Variants in ADRB1 observed in about 807,000 individuals in gnomAD.
The protein encoded by ADRB1 is beta-1 adrenergic receptor.
For missense variants in ADRB1, 635 were observed against 709.1 expected, an observed-to-expected ratio of 0.90 and a Z score of 1.19; for synonymous variants, 365 against 347.2, an observed-to-expected ratio of 1.05 and a Z score of -0.57.
rs365722 is a variant in ADRB1 at position 114,045,440 on chromosome 10, C to A, written c.1308C>A (p.Val436=). Residue 436 remains valine, a synonymous_variant, in exon 1 of 1, where the codon GTC becomes GTA. Coordinates refer to ENST00000369295, the MANE Select transcript of ADRB1 (RefSeq NM_000684.3). ...AASDDDDDDV[V]GATPPARLLE... is the part of the protein sequence containing the mutation. Reference sequence around the variant, plus strand: ...CGGACGACGACGACGACGATGTCGTCGGGGCCACGCCGCCCGCGCGCCTGC... The same window carrying A: ...CGGACGACGACGACGACGATGTCGTAGGGGCCACGCCGCCCGCGCGCCTGC... 1.6e-6 allele frequency: 2 copies of A among 1,244,622 alleles called. No homozygotes were observed. Among genetic ancestry groups the A allele is most frequent in the Non-Finnish European group, 2.0e-6 (2 of 992,884 alleles). 77.1% of individuals were successfully genotyped at this position (1,244,622 alleles called of 1,614,324 possible).
rs1801252 is a variant in ADRB1 at position 114,044,277 on chromosome 10, A to G, written c.145A>G (p.Ser49Gly). The part of the protein sequence containing the change: ...PASLLPPASE[S>G]PEPLSQQWTA... ...CTCGTTGCTGCCTCCCGCCAGCGAA[A>G]GCCCCGAGCCGCTGTCTCAGCAGTG... is the stretch of plus-strand genomic sequence containing the variant. The change falls in exon 1 of 1, where the codon AGC becomes GGC. Residue 49 changes from serine to glycine, a missense_variant. Ser to Gly is a moderately conservative substitution (Grantham distance 56, BLOSUM62 0). Coordinates refer to ENST00000369295, the MANE Select transcript of ADRB1 (RefSeq NM_000684.3). The surrounding 1 kb of genome is among the most constrained non-coding windows in gnomAD (Gnocchi z 7.8). 212,366 of 1,542,848 alleles carry G rather than the reference A, an allele frequency of 0.14. 15,863 individuals are homozygous for G. Among genetic ancestry groups the G allele is most frequent in the Admixed American group, 0.26 (12,866 of 50,056 alleles).
rs1267872707 is a variant in ADRB1 at position 114,045,255 on chromosome 10, A to G, written c.1123A>G (p.Ile375Val). The G allele has an allele frequency of 6.3e-7, 1 of 1,597,294 alleles. No individual in the cohort carries two copies. The highest frequency in any genetic ancestry group is 1.1e-5 in the South Asian group (1 of 89,558). Reference sequence around the variant, plus strand: ...CTACGCCAACTCGGCCTTCAACCCCATCATCTACTGCCGCAGCCCCGACTT... The same window carrying G: ...CTACGCCAACTCGGCCTTCAACCCCGTCATCTACTGCCGCAGCCCCGACTT... ...LGYANSAFNP[I>V]IYCRSPDFRK... The change falls in exon 1 of 1, where the codon ATC becomes GTC. Residue 375 changes from isoleucine to valine, a missense_variant. Ile to Val is a conservative substitution (Grantham distance 29). Transcript: ENST00000369295.
At position 114,044,129 on chromosome 10, in the gene ADRB1, C is replaced by A; in HGVS notation, c.-4C>A. The A allele has an allele frequency of 2.4e-6, 3 of 1,276,450 alleles. No homozygotes were observed. The highest frequency in any genetic ancestry group is 2.8e-5 in the South Asian group (1 of 36,288). The allele number at this position is 1,276,450 out of a possible 1,614,324, so 79.1% of individuals were successfully genotyped here. A position where few individuals can be genotyped will look rare whatever the true frequency, so the allele number is the denominator to read the frequency against. On this transcript the variant is annotated 5_prime_UTR_variant, in exon 1 of 1. It introduces an in-frame stop codon into an upstream open reading frame of the 5' UTR. Transcript: ENST00000369295. The surrounding 1 kb of genome is among the most constrained non-coding windows in gnomAD (Gnocchi z 7.8). ...CCCCCCGCCCCCGGCCTCCGCAGCT[C>A]GGCATGGGCGCGGGGGTGCTCGTCC...
In ADRB1 at chr10:114,044,024, A is replaced by C; in HGVS notation, c.-109A>C. 2.3e-6 allele frequency: 2 copies of C among 886,904 alleles called. No individual in the cohort carries two copies. The highest frequency in any genetic ancestry group is 2.9e-6 in the Non-Finnish European group (2 of 691,246). The allele number at this position is 886,904 out of a possible 1,614,324, so 54.9% of individuals were successfully genotyped here. On this transcript the variant is annotated 5_prime_UTR_variant, in exon 1 of 1. An upstream open reading frame in the 5' UTR loses its in-frame stop. Transcript: ENST00000369295. This position sits in a 1 kb window ranked among gnomAD's most constrained non-coding sequence, Gnocchi z 7.8. Reference sequence around the variant, plus strand: ...CCGGCCCCGCGCCGCGGCTGCCCTGACCCGGCCGCGACCTCCCTCTGCGCA... The same window carrying C: ...CCGGCCCCGCGCCGCGGCTGCCCTGCCCCGGCCGCGACCTCCCTCTGCGCA...
chr10:114,045,521 G>A lies in ADRB1; in HGVS notation c.1389G>A (p.Leu463=). The A allele has an allele frequency of 7.6e-7, 1 of 1,307,878 alleles. No individual in the cohort carries two copies. Among genetic ancestry groups the A allele is most frequent in the East Asian group, 3.1e-5 (1 of 32,262 alleles). 81.0% of individuals were successfully genotyped at this position (1,307,878 alleles called of 1,614,324 possible). A position where few individuals can be genotyped will look rare whatever the true frequency, so the allele number is the denominator to read the frequency against. ...CGGCGGCGGACAGCGACTCGAGCCT[G>A]GACGAGCCGTGCCGCCCCGGCTTCG... ...GGAAADSDSS[L]DEPCRPGFAS... Residue 463 remains leucine (L), a synonymous_variant, in exon 1 of 1, where the codon CTG becomes CTA. Transcript: ENST00000369295.
At position 114,044,300 on chromosome 10, in the gene ADRB1, G is replaced by A. The variant is rs1847528552; in HGVS notation, c.168G>A (p.Gln56=). Residue 56 remains glutamine, a synonymous_variant, in exon 1 of 1, where the codon CAG becomes CAA. Coordinates refer to ENST00000369295, the MANE Select transcript of ADRB1 (RefSeq NM_000684.3). The surrounding 1 kb of genome is among the most constrained non-coding windows in gnomAD (Gnocchi z 7.8). ...AAAGCCCCGAGCCGCTGTCTCAGCAGTGGACAGCGGGCATGGGTCTGCTGA... is the reference window on the plus strand; with the variant it reads ...AAAGCCCCGAGCCGCTGTCTCAGCAATGGACAGCGGGCATGGGTCTGCTGA... ...ASESPEPLSQ[Q]WTAGMGLLMA... The A allele has an allele frequency of 3.1e-6, 5 of 1,594,232 alleles. No individual in the cohort carries two copies. Among genetic ancestry groups the A allele is most frequent in the Non-Finnish European group, 4.3e-6 (5 of 1,175,424 alleles).
rs34072930 is a variant in ADRB1, at chr10:114,044,222, G to A, written c.90G>A (p.Ala30=). The A allele has an allele frequency of 1.4e-6, 2 of 1,416,748 alleles. No homozygotes were observed. Among genetic ancestry groups the A allele is most frequent in the Non-Finnish European group, 1.8e-6 (2 of 1,098,324 alleles). The allele number at this position is 1,416,748 out of a possible 1,614,324, so 87.8% of individuals were successfully genotyped here. A position where few individuals can be genotyped will look rare whatever the true frequency, so the allele number is the denominator to read the frequency against. ...APLPDGAATA[A]RLLVPASPPA... is the part of the protein sequence containing the mutation. ...TCCCCGACGGCGCGGCCACCGCGGC[G>A]CGGCTGCTGGTGCCCGCGTCGCCGC... Residue 30 remains alanine, a synonymous_variant, in exon 1 of 1, where the codon GCG becomes GCA. Transcript: ENST00000369295. This position sits in a 1 kb window ranked among gnomAD's most constrained non-coding sequence, Gnocchi z 7.8.
chr10:114,044,384 C>T lies in ADRB1; in HGVS notation c.252C>T (p.Ala84=). 1 of 1,610,464 alleles carries T rather than the reference C, an allele frequency of 6.2e-7. No homozygotes were observed. The highest frequency in any genetic ancestry group is 8.5e-7 in the Non-Finnish European group (1 of 1,179,780). Residue 84 remains alanine, a synonymous_variant, in exon 1 of 1, where the codon GCC becomes GCT. Coordinates refer to ENST00000369295, the MANE Select transcript of ADRB1 (RefSeq NM_000684.3). This position sits in a 1 kb window ranked among gnomAD's most constrained non-coding sequence, Gnocchi z 7.8. ...ATGTGCTGGTGATCGTGGCCATCGC[C>T]AAGACGCCGCGGCTGCAGACGCTCA... ...AGNVLVIVAI[A]KTPRLQTLTN...
At position 114,045,553 on chromosome 10, in the gene ADRB1, A is replaced by G; in HGVS notation, c.1421A>G (p.Glu474Gly). 1 of 1,308,624 alleles carries G rather than the reference A, an allele frequency of 7.6e-7. No individual in the cohort carries two copies. Among genetic ancestry groups the G allele is most frequent in the Non-Finnish European group, 9.8e-7 (1 of 1,024,808 alleles). The allele number at this position is 1,308,624 out of a possible 1,614,324, so 81.1% of individuals were successfully genotyped here. A position where few individuals can be genotyped will look rare whatever the true frequency, so the allele number is the denominator to read the frequency against. The stretch of plus-strand genomic sequence containing the variant: ...CCGTGCCGCCCCGGCTTCGCCTCGG[A>G]ATCCAAGGTGTAGGGCCCGGCGCGG... ...DEPCRPGFAS[E>G]SKV is the part of the protein sequence containing the mutation. Residue 474 changes from glutamate (E) to glycine (G), a missense_variant, in exon 1 of 1, where the codon GAA (glutamate) becomes GGA (glycine). Transcript: ENST00000369295.
rs1403407390 is a variant in ADRB1 at position 114,044,868 on chromosome 10, C to A, written c.736C>A (p.Arg246=). Residue 246 remains arginine, a synonymous_variant, in exon 1 of 1, where the codon CGG becomes AGG. Coordinates refer to ENST00000369295, the MANE Select transcript of ADRB1 (RefSeq NM_000684.3). This position sits in a 1 kb window ranked among gnomAD's most constrained non-coding sequence, Gnocchi z 7.8. ...GTGCATCATGGCCTTCGTGTACCTGCGGGTGTTCCGCGAGGCCCAGAAGCA... is the reference window on the plus strand; with the variant it reads ...GTGCATCATGGCCTTCGTGTACCTGAGGGTGTTCCGCGAGGCCCAGAAGCA... The part of the protein sequence containing the change: ...PLCIMAFVYL[R]VFREAQKQVK... 6.2e-7 allele frequency: 1 copy of A among 1,613,080 alleles called. No homozygotes were observed. The highest frequency in any genetic ancestry group is 2.2e-5 in the East Asian group (1 of 44,850).
In ADRB1 at chr10:114,044,082, A is replaced by G; in HGVS notation, c.-51A>G. 8.2e-7 allele frequency: 1 copy of G among 1,222,214 alleles called. No homozygotes were observed. Among genetic ancestry groups the G allele is most frequent in the Non-Finnish European group, 1.0e-6 (1 of 983,530 alleles). 75.7% of individuals were successfully genotyped at this position (1,222,214 alleles called of 1,614,324 possible). ...GCCCGGGCTTCTGGGGTGTTCCCCA[A>G]CCACGGCCCAGCCCTGCCACACCCC... On this transcript the variant is annotated 5_prime_UTR_variant, in exon 1 of 1. Transcript: ENST00000369295. This position sits in a 1 kb window ranked among gnomAD's most constrained non-coding sequence, Gnocchi z 7.8.
At position 114,044,923 on chromosome 10, in the gene ADRB1, G is replaced by T; in HGVS notation, c.791G>T (p.Arg264Leu). ...AAGAAGATCGACAGCTGCGAGCGCC[G>T]TTTCCTCGGCGGCCCAGCGCGGCCG... ...QVKKIDSCER[R>L]FLGGPARPPS... Residue 264 changes from arginine (R) to leucine (L), a missense_variant, in exon 1 of 1, where the codon CGT becomes CTT. Arg to Leu is a moderately radical substitution (Grantham distance 102, BLOSUM62 -2). Coordinates refer to ENST00000369295, the MANE Select transcript of ADRB1 (RefSeq NM_000684.3). The surrounding 1 kb of genome is among the most constrained non-coding windows in gnomAD (Gnocchi z 7.8). 6.3e-7 allele frequency: 1 copy of T among 1,576,122 alleles called. No individual in the cohort carries two copies. The highest frequency in any genetic ancestry group is 1.4e-5 in the African/African-American group (1 of 73,450).
At position 114,046,067 on chromosome 10, in the gene ADRB1, T is replaced by C. The variant is rs1239057795; in HGVS notation, c.*501T>C. The C allele has an allele frequency of 2.4e-5, 4 of 167,106 alleles. No individual in the cohort carries two copies. Among genetic ancestry groups the C allele is most frequent in the Non-Finnish European group, 5.9e-5 (4 of 68,146 alleles). The allele number at this position is 167,106 out of a possible 1,614,324, so 10.4% of individuals were successfully genotyped here. ...CAGTTTGTCAAGACATATTTCCTTTTGCTTTCCAGAGAAATTTCATTTTAA... is the reference window on the plus strand; with the variant it reads ...CAGTTTGTCAAGACATATTTCCTTTCGCTTTCCAGAGAAATTTCATTTTAA... On this transcript the variant is annotated 3_prime_UTR_variant, in exon 1 of 1. Coordinates refer to ENST00000369295, the MANE Select transcript of ADRB1 (RefSeq NM_000684.3).
At position 114,045,422 on chromosome 10, in the gene ADRB1, C is replaced by T; in HGVS notation, c.1290C>T (p.Asp430=). 1 of 1,239,942 alleles carries T rather than the reference C, an allele frequency of 8.1e-7. No individual in the cohort carries two copies. The highest frequency in any genetic ancestry group is 1.0e-6 in the Non-Finnish European group (1 of 990,464). 76.8% of individuals were successfully genotyped at this position (1,239,942 alleles called of 1,614,324 possible). A position where few individuals can be genotyped will look rare whatever the true frequency, so the allele number is the denominator to read the frequency against. The change falls in exon 1 of 1, where the codon GAC becomes GAT. Residue 430 remains aspartate (D), a synonymous_variant. Coordinates refer to ENST00000369295, the MANE Select transcript of ADRB1 (RefSeq NM_000684.3). The part of the protein sequence containing the change: ...PPPSPGAASD[D]DDDDVVGATP... The stretch of plus-strand genomic sequence containing the variant: ...CATCGCCCGGGGCCGCCTCGGACGA[C>T]GACGACGACGATGTCGTCGGGGCCA...
Position 114,045,287 on chromosome 10 carries a change from G to C in ADRB1, c.1155G>C (p.Lys385Asn), listed in dbSNP as rs1360971912. Residue 385 changes from lysine to asparagine, a missense_variant, in exon 1 of 1, where the codon AAG becomes AAC. Lys to Asn is a moderately conservative substitution (Grantham distance 94). Coordinates refer to ENST00000369295, the MANE Select transcript of ADRB1 (RefSeq NM_000684.3). Reference sequence around the variant, plus strand: ...ACTGCCGCAGCCCCGACTTCCGCAAGGCCTTCCAGGGACTGCTCTGCTGCG... The same window carrying C: ...ACTGCCGCAGCCCCGACTTCCGCAACGCCTTCCAGGGACTGCTCTGCTGCG... ...IIYCRSPDFR[K>N]AFQGLLCCAR... is the part of the protein sequence containing the mutation. The C allele has an allele frequency of 1.9e-6, 3 of 1,588,522 alleles. No individual in the cohort carries two copies. The highest frequency in any genetic ancestry group is 2.7e-5 in the African/African-American group (2 of 73,350).
chr10:114,044,571 G>C lies in ADRB1; in HGVS notation c.439G>C (p.Glu147Gln). The C allele has an allele frequency of 6.2e-7, 1 of 1,613,620 alleles. No individual in the cohort carries two copies. Among genetic ancestry groups the C allele is most frequent in the Non-Finnish European group, 8.5e-7 (1 of 1,179,954 alleles). Residue 147 changes from glutamate to glutamine, a missense_variant, in exon 1 of 1, where the codon GAG becomes CAG. By Grantham distance (29) the Glu-to-Gln change is conservative (BLOSUM62 2). Transcript: ENST00000369295. This position sits in a 1 kb window ranked among gnomAD's most constrained non-coding sequence, Gnocchi z 7.8. ...CGTGCTGTGCGTGACGGCCAGCATC[G>C]AGACCCTGTGTGTCATTGCCCTGGA... ...VDVLCVTASI[E>Q]TLCVIALDRY...
chr10:114,045,517 G>T lies in ADRB1; in HGVS notation c.1385G>T (p.Ser462Ile). The change falls in exon 1 of 1, where the codon AGC becomes ATC. Residue 462 changes from serine (S) to isoleucine (I), a missense_variant. Transcript: ENST00000369295. ...NGGAAADSDS[S>I]LDEPCRPGFA... is the part of the protein sequence containing the mutation. Reference sequence around the variant, plus strand: ...GGGGCGGCGGCGGACAGCGACTCGAGCCTGGACGAGCCGTGCCGCCCCGGC... The same window carrying T: ...GGGGCGGCGGCGGACAGCGACTCGATCCTGGACGAGCCGTGCCGCCCCGGC... 6.9e-6 allele frequency: 9 copies of T among 1,304,832 alleles called. No individual in the cohort carries two copies. The highest frequency in any genetic ancestry group is 8.8e-6 in the Non-Finnish European group (9 of 1,024,320). The allele number at this position is 1,304,832 out of a possible 1,614,324, so 80.8% of individuals were successfully genotyped here.
chr10:114,044,068 T>C lies in ADRB1; in HGVS notation c.-65T>C. 2 of 1,199,928 alleles carry C rather than the reference T, an allele frequency of 1.7e-6. No individual in the cohort carries two copies. The highest frequency in any genetic ancestry group is 2.1e-6 in the Non-Finnish European group (2 of 965,058). The allele number at this position is 1,199,928 out of a possible 1,614,324, so 74.3% of individuals were successfully genotyped here. A position where few individuals can be genotyped will look rare whatever the true frequency, so the allele number is the denominator to read the frequency against. ...CTGCGCACCACGCCGCCCGGGCTTC[T>C]GGGGTGTTCCCCAACCACGGCCCAG... is the stretch of plus-strand genomic sequence containing the variant. On this transcript the variant is annotated 5_prime_UTR_variant, in exon 1 of 1. Transcript: ENST00000369295. The surrounding 1 kb of genome is among the most constrained non-coding windows in gnomAD (Gnocchi z 7.8).
chr10:114,044,443 A>T lies in ADRB1; in HGVS notation c.311A>T (p.Asp104Val). 1 of 1,612,918 alleles carries T rather than the reference A, an allele frequency of 6.2e-7. No individual in the cohort carries two copies. Among genetic ancestry groups the T allele is most frequent in the Non-Finnish European group, 8.5e-7 (1 of 1,179,940 alleles). ...NLFIMSLASADLVMGLLVVPF... is the reference protein window; with the variant it reads ...NLFIMSLASAVLVMGLLVVPF... ...TTCATCATGTCCCTGGCCAGCGCCG[A>T]CCTGGTCATGGGGCTGCTGGTGGTG... The change falls in exon 1 of 1, where the codon GAC (aspartate) becomes GTC (valine). Residue 104 changes from aspartate to valine, a missense_variant. Physicochemically the swap from Asp to Val is radical, Grantham distance 152. Transcript: ENST00000369295. This position sits in a 1 kb window ranked among gnomAD's most constrained non-coding sequence, Gnocchi z 7.8.
Sources: gnomAD v4.1 joint callset for allele counts on GRCh38, gnomAD v4.1.1 for gene constraint, Gnocchi (gnomAD v3.1) non-coding constraint, MANE v1.5 for transcripts, NCBI Gene and HGNC (gene_info 2026-07-23, HGNC 2026-07-21) for gene names.